OPRM1: variants seen among roughly 807,000 people sequenced by gnomAD.
The protein encoded by OPRM1 is opioid receptor mu 1.
OPRM1 carries 27 observed loss-of-function variants against 31.8 expected under a neutral mutation model. The ratio of observed to expected loss-of-function variants is 0.85; its 90% CI spans 0.63 to 1.17. The LOEUF (loss-of-function observed/expected upper bound fraction) is 1.17. OPRM1 is among the 50% of genes most tolerant of loss of function. OPRM1 has a pLI of 0.00. For synonymous variants in OPRM1, 196 were observed against 189.9 expected (o/e 1.03, Z -0.26); for missense variants, 536 against 511.1 (o/e 1.05, Z -0.47).
chr6:154,070,429 C>T (rs1786437256), intron 1 of OPRM1, among the ~76,000 whole-genome samples: 1 of 152,202 alleles, frequency 6.6e-6, no homozygotes, highest in Non-Finnish European at 1.5e-5. Flanking sequence ...ACTCATCCAT[C>T]TGCCCAGAAT....
intron 1 of OPRM1, among the ~76,000 whole-genome samples, chr6:154,065,842 G>C (rs1008742538): frequency 3.3e-5 from 5 of 151,848 alleles, no homozygotes; most frequent in African/African-American, 1.2e-4. Context: ...TCATTGTCTT[G>C]TTCCTGATAT....
chr6:154,206,923 G>GTCT (rs1777546967), intron 3 of OPRM1, among the ~76,000 whole-genome samples: 1 of 152,248 alleles, frequency 6.6e-6, no homozygotes, highest in African/African-American at 2.4e-5. Context: ...GACAGGCCAA[G>GTCT]GGCCTAAAAT....
intron 3 of OPRM1, among the ~76,000 whole-genome samples, chr6:154,112,658 C>T (rs182141255): frequency 6.6e-6 from 1 of 152,308 alleles, no homozygotes; most frequent in East Asian, 1.9e-4. Flanking sequence ...TTAGATCTTG[C>T]AGTTCAGCTC....
chr6:154,188,820 G>GATCCAT (rs1801609908), intron 3 of OPRM1, among the ~76,000 whole-genome samples: 1 of 152,180 alleles, frequency 6.6e-6, no homozygotes. Context: ...TATGGAGTAA[G>GATCCAT]ATGATATTGT....
chr6:154,049,412 G>A (rs1168059862), intron 1 of OPRM1, among the ~76,000 whole-genome samples: 2 of 152,138 alleles, frequency 1.3e-5, no homozygotes, highest in Non-Finnish European at 2.9e-5. Flanking sequence ...CCTTACCTGG[G>A]AACCTGCACA....
At chr6:154,209,886 T>C (rs6941653) in intron 3 of OPRM1, among the ~76,000 whole-genome samples, 7,954 of 152,274 alleles carry the variant, frequency 0.052, 302 homozygotes, top group East Asian at 0.2. Flanking sequence ...TAGAAAATGT[T>C]AGCATTAATG....
chr6:154,240,246 C>G (rs1335774246), intron 3 of OPRM1, among the ~76,000 whole-genome samples: 1 of 152,206 alleles, frequency 6.6e-6, no homozygotes, highest in Admixed American at 6.5e-5. Flanking sequence ...GGTACATGCT[C>G]TGTACCTGCC....
At chr6:154,070,687 C>G (rs1786518206) in intron 1 of OPRM1, among the ~76,000 whole-genome samples, 1 of 152,288 alleles carries the variant, frequency 6.6e-6, no homozygotes, top group Middle Eastern at 3.4e-3. Flanking sequence ...ATCACAGACA[C>G]AGTTCTCAGA....
upstream of OPRM1, among the ~76,000 whole-genome samples, chr6:154,034,113 T>A (rs1257105277): frequency 6.6e-6 from 1 of 152,242 alleles, no homozygotes; most frequent in African/African-American, 2.4e-5. Context: ...TAAATCTGTG[T>A]ATGATGAAAT....
intron 3 of OPRM1, among the ~76,000 whole-genome samples, chr6:154,242,742 C>T (rs371726183): frequency 5.3e-5 from 8 of 151,980 alleles, no homozygotes; most frequent in Non-Finnish European, 8.8e-5. Flanking sequence ...CAAAAATTAG[C>T]GGGGCATGGT....
chr6:154,136,439 T>G (rs977670969), downstream of OPRM1, among the ~76,000 whole-genome samples: 4 of 152,162 alleles, frequency 2.6e-5, no homozygotes, highest in Non-Finnish European at 5.9e-5. Context: ...TCTTGTAAAA[T>G]AATGGTGTCA....
intron 1 of OPRM1, among the ~76,000 whole-genome samples, chr6:154,077,511 G>T (rs1788122764): frequency 6.6e-6 from 1 of 151,378 alleles, no homozygotes; most frequent in Non-Finnish European, 1.5e-5. Flanking sequence ...TGGGCGGATT[G>T]GTTGAGGTCA....
chr6:154,225,077 T>A (rs1158096624), intron 3 of OPRM1, among the ~76,000 whole-genome samples: 2 of 152,212 alleles, frequency 1.3e-5, no homozygotes, highest in Admixed American at 6.5e-5. Flanking sequence ...GCTTGGGGAC[T>A]GGAAGTGCCT....
chr6:154,160,657 A>G (rs1297567487), intron 3 of OPRM1, among the ~76,000 whole-genome samples: 1 of 152,160 alleles, frequency 6.6e-6, no homozygotes, highest in African/African-American at 2.4e-5. Context: ...TCTGTAACCA[A>G]TGGCACACAT....
chr6:154,163,942 T>C (rs988842788), intron 3 of OPRM1, among the ~76,000 whole-genome samples: 6 of 152,164 alleles, frequency 3.9e-5, no homozygotes, highest in Non-Finnish European at 8.8e-5. Context: ...AGCAGAGGGA[T>C]TGTTTATAGA....
chr6:154,117,173 C>G (rs1426171244), intron 3 of OPRM1, among the ~76,000 whole-genome samples: 1 of 152,180 alleles, frequency 6.6e-6, no homozygotes, highest in Non-Finnish European at 1.5e-5. Context: ...ATATTTGCTA[C>G]CAGACCCAGG....
At chr6:154,114,258 G>A (rs1193781469) in intron 3 of OPRM1, among the ~76,000 whole-genome samples, 1 of 152,188 alleles carries the variant, frequency 6.6e-6, no homozygotes, top group African/African-American at 2.4e-5. Flanking sequence ...TACCGTCTAG[G>A]ATCAACTTTT....
chr6:154,101,812 A>G (rs1794872077), intron 3 of OPRM1, among the ~76,000 whole-genome samples: 1 of 152,260 alleles, frequency 6.6e-6, no homozygotes, highest in Non-Finnish European at 1.5e-5. Context: ...ATTTGTGTAA[A>G]TAAAAAGTCA....
At chr6:154,060,722 CTAGCCATAATAA>C (rs1784231442) in intron 1 of OPRM1, among the ~76,000 whole-genome samples, 2 of 152,066 alleles carry the variant, frequency 1.3e-5, no homozygotes, top group Admixed American at 6.6e-5. Flanking sequence ...TGAGGTGACA[CTAGCCATAATAA>C]CAGGAGAACA....
Sources: allele counts gnomAD v4.1 joint callset (sites outside exome capture counted in the v4.1 genomes callset), GRCh38; gene constraint gnomAD v4.1.1; transcripts MANE v1.5; gene names NCBI Gene and HGNC (gene_info 2026-07-23, HGNC 2026-07-21).